MLIP: variants seen among roughly 807,000 people sequenced by gnomAD.
MLIP encodes muscular LMNA interacting protein.
Under a neutral mutation model 84.8 loss-of-function variants are expected in MLIP, and 79 were observed. The observed-to-expected ratio is 0.93, with a 90% CI of 0.78 to 1.12. The LOEUF is 1.12. Among genes scored for constraint, MLIP ranks in the 50% most tolerant of loss-of-function variants. MLIP has a pLI of 0.00. For missense variants in MLIP, 1,257 were observed against 1,160.6 expected (o/e 1.08, Z -1.21); for synonymous variants, 504 against 463.0 (o/e 1.09, Z -1.14).
intron 13 of MLIP, among the ~76,000 whole-genome samples, chr6:54,262,116 G>A (rs953401979): frequency 1.3e-5 from 2 of 151,970 alleles, no homozygotes; most frequent in Non-Finnish European, 2.9e-5. Flanking sequence ...GGATTTGATA[G>A]CAATGGACCC....
At chr6:54,228,304 A>G (rs1780745851) in intron 11 of MLIP, among the ~76,000 whole-genome samples, 1 of 152,182 alleles carries the variant, frequency 6.6e-6, no homozygotes, top group Admixed American at 6.5e-5. Flanking sequence ...ACAGGATCAT[A>G]ATGTATACAA....
Position 54,202,125 on chromosome 6 carries a change from C to T in MLIP, c.2610C>T (p.Arg870=). 1 of 1,592,332 alleles carries T rather than the reference C, an allele frequency of 6.3e-7. No individual in the cohort carries two copies. Among genetic ancestry groups the T allele is most frequent in the South Asian group, 1.1e-5 (1 of 87,296 alleles). ...TGAAGACTAAGCCTGGAGTAATTCG[C>T]CCAGTACCTGTAAAATCCAGAATAT... ...ESQLTKPGVI[R]PVPVKSRILL... is the part of the protein sequence containing the mutation. Residue 870 remains arginine (R), a synonymous_variant, in exon 11 of 14, where the codon CGC becomes CGT. Coordinates refer to ENST00000502396, the MANE Select transcript of MLIP (RefSeq NM_001281747.2).
intron 12 of MLIP, among the ~76,000 whole-genome samples, chr6:54,256,914 T>C (rs1783043401): frequency 6.6e-6 from 1 of 152,166 alleles, no homozygotes. Flanking sequence ...GCTGTTGCTT[T>C]GGAGCTTTTC....
chr6:54,150,504 A>G (rs894222621), intron 5 of MLIP, among the ~76,000 whole-genome samples: 77 of 152,298 alleles, frequency 5.1e-4, no homozygotes, highest in African/African-American at 1.8e-3. Context: ...CGATTTCTGG[A>G]ACCTGGTCAC....
At chr6:54,148,841 A>G (rs1464023358) in intron 4 of MLIP, among the ~76,000 whole-genome samples, 2 of 152,170 alleles carry the variant, frequency 1.3e-5, no homozygotes, top group Non-Finnish European at 2.9e-5. Context: ...TGTAATCTCT[A>G]GGCTGATATT....
intron 1 of MLIP, among the ~76,000 whole-genome samples, chr6:54,071,754 CTTGTAATT>C (rs562431093): frequency 6.6e-4 from 100 of 152,152 alleles, no homozygotes; most frequent in African/African-American, 2.2e-3. Context: ...TGAGCTATGT[CTTGTAATT>C]TTGGAACTGC....
At chr6:54,217,714 A>G (rs1394494303) in intron 11 of MLIP, 2 of 985,088 alleles carry the variant, frequency 2.0e-6, no homozygotes, top group East Asian at 1.1e-4. Context: ...TTCTCAAGTG[A>G]CTAAAAAGCG....
In MLIP at chr6:54,022,373, T is replaced by G. The variant is rs73434369; in HGVS notation, c.63+3282T>G. Among the ~76,000 whole-genome samples the G allele has an allele frequency of 3.7e-3, 560 of 152,350 alleles. 5 individuals are homozygous for G. Among genetic ancestry groups the G allele is most frequent in the African/African-American group, 0.012 (493 of 41,582 alleles). On this transcript the variant is annotated intron_variant, in intron 1 of 12. Transcript: ENST00000274897. ...TGAATATTCTGAGGAACTAGCAGTGTTCTCTGCAACATATCTTAGGAAATG... is the reference window on the plus strand; with the variant it reads ...TGAATATTCTGAGGAACTAGCAGTGGTCTCTGCAACATATCTTAGGAAATG...
chr6:54,208,073 A>G (rs1375282363), intron 11 of MLIP, among the ~76,000 whole-genome samples: 8 of 152,010 alleles, frequency 5.3e-5, no homozygotes, highest in Non-Finnish European at 1.0e-4. Context: ...GCTTGCAGTG[A>G]GCTGAGATCG....
chr6:54,150,387 G>A (rs1395049555), intron 5 of MLIP, among the ~76,000 whole-genome samples: 1 of 152,176 alleles, frequency 6.6e-6, no homozygotes, highest in African/African-American at 2.4e-5. Context: ...TGGAGGTTGT[G>A]GAAAGGGACA....
intron 13 of MLIP, among the ~76,000 whole-genome samples, chr6:54,264,578 C>T (rs1582665985): frequency 6.6e-6 from 1 of 152,052 alleles, no homozygotes; most frequent in East Asian, 1.9e-4. Context: ...AAATACATGG[C>T]ACTTAAAAAG....
chr6:54,202,024 A>G (rs1582485385), intron 10 of MLIP, 81 bp from the exon 11 acceptor site: 9 of 1,032,362 alleles, frequency 8.7e-6, no homozygotes, highest in Non-Finnish European at 1.0e-5. Flanking sequence ...ACAGCATTGA[A>G]TGACTTAACA....
chr6:54,068,342 G>A lies in MLIP; in HGVS notation c.63+49251G>A, dbSNP rs1424006687. Among the ~76,000 whole-genome samples the A allele has an allele frequency of 7.2e-5, 7 of 97,482 alleles. 3 individuals are homozygous for A. The highest frequency in any genetic ancestry group is 2.1e-4 in the Non-Finnish European group (7 of 34,016). 64.0% of individuals were successfully genotyped at this position (97,482 alleles called of 152,430 possible). On this transcript the variant is annotated intron_variant, in intron 1 of 12. Transcript: ENST00000274897. Reference sequence around the variant, plus strand: ...AGTAGAGACGGGGTTTCACCATGTCGGCCAGGCTGGTCTCGAACTCCTGAC... The same window carrying A: ...AGTAGAGACGGGGTTTCACCATGTCAGCCAGGCTGGTCTCGAACTCCTGAC...
At chr6:54,203,802 T>G (rs922585748) in intron 11 of MLIP, 4 of 152,196 alleles carry the variant, frequency 2.6e-5, no homozygotes, top group African/African-American at 7.2e-5. Context: ...GCCAGGCTGG[T>G]CTCAAACTCG....
At chr6:54,253,569 A>C (rs1247073050) in intron 12 of MLIP, among the ~76,000 whole-genome samples, 1 of 152,154 alleles carries the variant, frequency 6.6e-6, no homozygotes, top group African/African-American at 2.4e-5. Context: ...TTAAAGACTT[A>C]ATTAACTGAT....
chr6:54,142,793 T>C (rs1772426716), intron 4 of MLIP, among the ~76,000 whole-genome samples: 1 of 152,102 alleles, frequency 6.6e-6, no homozygotes, highest in Admixed American at 6.5e-5. Flanking sequence ...TGAGTGATGA[T>C]GGTGGCTATG....
chr6:54,213,627 G>T (rs57136553), intron 11 of MLIP, among the ~76,000 whole-genome samples: 2 of 148,826 alleles, frequency 1.3e-5, no homozygotes, highest in East Asian at 4.0e-4. Context: ...GCTTGAACCC[G>T]GGAGGTGGAG....
At chr6:54,033,856 G>A (rs1764277405) in intron 1 of MLIP, among the ~76,000 whole-genome samples, 1 of 152,062 alleles carries the variant, frequency 6.6e-6, no homozygotes, top group Non-Finnish European at 1.5e-5. Flanking sequence ...TAATGTTTAG[G>A]CATCATGGAA....
At chr6:54,260,690 A>G (rs1320533355) in intron 13 of MLIP, among the ~76,000 whole-genome samples, 1 of 152,000 alleles carries the variant, frequency 6.6e-6, no homozygotes, top group Non-Finnish European at 1.5e-5. Flanking sequence ...AAAGGCTTAA[A>G]TGAATAACAT....
Sources: allele counts gnomAD v4.1 joint callset (sites outside exome capture counted in the v4.1 genomes callset), GRCh38; gene constraint gnomAD v4.1.1; transcripts MANE v1.5; gene names NCBI Gene and HGNC (gene_info 2026-07-23, HGNC 2026-07-21).